The following KLF17 variants were observed in gnomAD, a reference collection of about 807,000 sequenced individuals.
The protein encoded by KLF17 is Krueppel-like factor 17.
KLF17 carries 31 observed loss-of-function variants against 34.2 expected under a neutral mutation model. The observed-to-expected ratio is 0.91, with a 90% CI of 0.68 to 1.22. KLF17 has a LOEUF of 1.22. Among genes scored for constraint, KLF17 ranks in the 50% most tolerant of loss-of-function variants. The pLI is 0.00. For missense variants in KLF17, 478 were observed against 505.2 expected (o/e 0.95, Z 0.52); for synonymous variants, 179 against 186.7 (o/e 0.96, Z 0.34).
In KLF17 at chr1:44,129,891, C is replaced by T. The variant is rs368038713; in HGVS notation, c.620C>T (p.Ser207Phe). 5.0e-6 allele frequency: 8 copies of T among 1,614,220 alleles called. No individual in the cohort carries two copies. The highest frequency in any genetic ancestry group is 1.7e-5 in the Admixed American group (1 of 60,028). ...PSTEAQAVLPSMAQMLPPQDA... is the reference protein window; with the variant it reads ...PSTEAQAVLPFMAQMLPPQDA... ...ACTGAGGCCCAGGCAGTGCTCCCCT[C>T]CATGGCTCAGATGTTGCCCCCGCAA... The change falls in exon 2 of 4, where the codon TCC becomes TTC. Residue 207 changes from serine to phenylalanine, a missense_variant. Transcript: ENST00000372299.
At chr1:44,091,840 G>A in the KLF17 span, among the ~76,000 whole-genome samples, 31 of 149,794 alleles carry the variant, frequency 2.1e-4, no homozygotes, top group South Asian at 6.6e-3. Context: ...GAGCCTAGGA[G>A]TTCGAGGCTG....
the KLF17 span, among the ~76,000 whole-genome samples, chr1:44,111,955 C>T: frequency 2.6e-5 from 4 of 152,130 alleles, no homozygotes; most frequent in Non-Finnish European, 5.9e-5. Flanking sequence ...AAGCTATAGA[C>T]TTTATTCAGA....
the KLF17 span, among the ~76,000 whole-genome samples, chr1:44,100,318 G>C: frequency 6.6e-6 from 1 of 152,042 alleles, no homozygotes; most frequent in East Asian, 1.9e-4. Context: ...TACTGGGTCG[G>C]ATGGGGTAGA....
At chr1:44,123,394 C>T (rs1018429531) in intron 1 of KLF17, among the ~76,000 whole-genome samples, 4 of 152,078 alleles carry the variant, frequency 2.6e-5, no homozygotes, top group East Asian at 3.8e-4. Flanking sequence ...CCAGGTTGTC[C>T]AATTTGTTGG....
At chr1:44,070,849 T>C in the KLF17 span, among the ~76,000 whole-genome samples, 1 of 152,156 alleles carries the variant, frequency 6.6e-6, no homozygotes, top group African/African-American at 2.4e-5. Context: ...TTATTTTTAA[T>C]ACAAATTTGC....
chr1:44,058,899 A>C, the KLF17 span, among the ~76,000 whole-genome samples: 1 of 151,740 alleles, frequency 6.6e-6, no homozygotes, highest in African/African-American at 2.4e-5. Context: ...CCTTCAACAA[A>C]ATATCGCTCC....
At chr1:44,122,847 C>A (rs536562797) in intron 1 of KLF17, among the ~76,000 whole-genome samples, 291 of 152,306 alleles carry the variant, frequency 1.9e-3, no homozygotes, top group Non-Finnish European at 3.5e-3. Flanking sequence ...GATCCACCCC[C>A]CTTGGCCTCC....
rs2088093757 is a variant in KLF17 at position 44,130,420 on chromosome 1, T to C, written c.926-92T>C. On this transcript the variant is annotated intron_variant, in intron 2 of 3. Transcript: ENST00000372299. ...CCCTGGTTCCCTGGACCTTCCCTTTTGAATCCTCAACCTGGACTGCTCTGC... is the reference window on the plus strand; with the variant it reads ...CCCTGGTTCCCTGGACCTTCCCTTTCGAATCCTCAACCTGGACTGCTCTGC... 5 of 1,539,186 alleles carry C rather than the reference T, an allele frequency of 3.2e-6. No homozygotes were observed. The African/African-American group carries it at 6.8e-5, about 21-fold the overall frequency.
chr1:44,118,751 G>A (rs2087908919), upstream of KLF17: 3 of 541,586 alleles, frequency 5.5e-6, no homozygotes, highest in Admixed American at 1.1e-4. Flanking sequence ...GCGGCGCAGG[G>A]CGGGACGGGT....
At chr1:44,080,783 C>T in the KLF17 span, among the ~76,000 whole-genome samples, 4 of 133,522 alleles carry the variant, frequency 3.0e-5, no homozygotes, top group Non-Finnish European at 6.1e-5. Context: ...GGCGTGATCT[C>T]GGCTCACTGC....
intron 1 of KLF17, among the ~76,000 whole-genome samples, chr1:44,128,412 T>C (rs577209702): frequency 1.3e-5 from 2 of 152,292 alleles, no homozygotes; most frequent in South Asian, 4.2e-4. Context: ...CTACCACCAA[T>C]CTCTTTCTTA....
the KLF17 span, among the ~76,000 whole-genome samples, chr1:44,080,350 A>T: frequency 2.8e-5 from 4 of 143,762 alleles, no homozygotes; most frequent in South Asian, 2.2e-4. Flanking sequence ...ACCGTTCTCC[A>T]GCCTCAGCCT....
intron 2 of KLF17, 41 bp from the exon 3 acceptor site, chr1:44,130,471 C>A: frequency 6.2e-7 from 1 of 1,612,710 alleles, no homozygotes; most frequent in Non-Finnish European, 8.5e-7. Context: ...CCCTTCCTTC[C>A]TACTGTATTC....
At chr1:44,116,044 G>C (rs1054931141), upstream of KLF17, 3 of 152,080 alleles carry the variant, frequency 2.0e-5, no homozygotes, top group Admixed American at 1.3e-4. Context: ...TAGAGGAGGG[G>C]GGTATAAAAA....
the KLF17 span, among the ~76,000 whole-genome samples, chr1:44,099,926 G>GAAAA: frequency 9.5e-6 from 1 of 104,866 alleles, no homozygotes; most frequent in East Asian, 3.1e-4. Flanking sequence ...AGAAAAGAAA[G>GAAAA]GGAGGGAGGG....
At chr1:44,096,032 C>T in the KLF17 span, among the ~76,000 whole-genome samples, 92 of 152,140 alleles carry the variant, frequency 6.0e-4, 1 homozygote, top group Non-Finnish European at 1.1e-3. Context: ...ACCTCTGCCC[C>T]CCAGGTTCCA....
At chr1:44,070,952 A>T in the KLF17 span, among the ~76,000 whole-genome samples, 1 of 152,172 alleles carries the variant, frequency 6.6e-6, no homozygotes, top group South Asian at 2.1e-4. Context: ...AAAAAAACTC[A>T]CTTTGTATTA....
the KLF17 span, among the ~76,000 whole-genome samples, chr1:44,085,840 G>A: frequency 1.5e-4 from 22 of 148,060 alleles, no homozygotes. Flanking sequence ...AAAGGAGAGA[G>A]AGAGAGCAAT....
the KLF17 span, among the ~76,000 whole-genome samples, chr1:44,052,897 G>A: frequency 6.6e-6 from 1 of 151,682 alleles, no homozygotes; most frequent in South Asian, 2.1e-4. Flanking sequence ...ATGTGGCCTA[G>A]GCAGGATTTT....
Sources: gnomAD v4.1 joint callset for allele counts (sites outside exome capture counted in the v4.1 genomes callset) on GRCh38, gnomAD v4.1.1 for gene constraint, MANE v1.5 for transcripts, NCBI Gene and HGNC (gene_info 2026-07-23, HGNC 2026-07-21) for gene names.